Variants in IGF1R observed in about 807,000 individuals in gnomAD.
IGF1R encodes insulin like growth factor 1 receptor, also known as insulin-like growth factor 1 receptor.
A neutral mutation model predicts 144.6 loss-of-function variants in IGF1R; 44 were observed. The ratio of observed to expected loss-of-function variants is 0.30; its 90% CI spans 0.24 to 0.39. The LOEUF (loss-of-function observed/expected upper bound fraction) is 0.39. Among genes scored for constraint, IGF1R ranks in the 10% least tolerant of loss-of-function variants. The pLI, the probability that IGF1R is intolerant of heterozygous loss-of-function variation, is 1.00. For missense variants in IGF1R, 1,355 were observed against 1,833.7 expected (o/e 0.74, Z 4.77); for synonymous variants, 795 against 722.8 (o/e 1.10, Z -1.60).
chr15:98,950,496 C>G (rs1234448784), intron 20 of IGF1R, among the ~76,000 whole-genome samples: 1 of 152,194 alleles, frequency 6.6e-6, no homozygotes, highest in Non-Finnish European at 1.5e-5. Context: ...GACTGAGGTC[C>G]CCATATTCTT....
chr15:98,686,868 G>A (rs2053342642), intron 1 of IGF1R, among the ~76,000 whole-genome samples: 1 of 152,050 alleles, frequency 6.6e-6, no homozygotes, highest in Non-Finnish European at 1.5e-5. Context: ...TGCGGTCTTG[G>A]TACATTTTCT....
intron 2 of IGF1R, among the ~76,000 whole-genome samples, chr15:98,740,867 G>T (rs1309249150): frequency 6.6e-6 from 1 of 152,110 alleles, no homozygotes; most frequent in East Asian, 1.9e-4. Context: ...TTATGTATCT[G>T]GACTGGCTTT....
At chr15:98,682,225 T>C (rs1249816258) in intron 1 of IGF1R, among the ~76,000 whole-genome samples, 1 of 152,116 alleles carries the variant, frequency 6.6e-6, no homozygotes, top group Non-Finnish European at 1.5e-5. Context: ...GACTCTTTGG[T>C]CTCCTATGGT....
intron 2 of IGF1R, among the ~76,000 whole-genome samples, chr15:98,789,306 A>G (rs1024376622): frequency 1.3e-5 from 2 of 152,164 alleles, no homozygotes; most frequent in African/African-American, 2.4e-5. Flanking sequence ...GCTTTTTCCC[A>G]TTGGAATGAC....
At chr15:98,789,934 T>A (rs2056090661) in intron 2 of IGF1R, among the ~76,000 whole-genome samples, 1 of 152,220 alleles carries the variant, frequency 6.6e-6, no homozygotes, top group Non-Finnish European at 1.5e-5. Context: ...TTGCTTCAGA[T>A]GTACTCTGTC....
chr15:98,960,762 A>C lies in IGF1R; in HGVS notation c.*3320A>C, dbSNP rs1405579745. On this transcript the variant is annotated 3_prime_UTR_variant, in exon 21 of 21. Coordinates refer to ENST00000650285, the MANE Select transcript of IGF1R (RefSeq NM_000875.5). ...TGACCTCACAGCCAGTCCCTGATAG[A>C]ACACACGCAGGAGCAGAGTCCCCTC... 4.3e-6 allele frequency: 1 copy of C among 233,520 alleles called. No homozygotes were observed. Among genetic ancestry groups the C allele is most frequent in the African/African-American group, 2.2e-5 (1 of 45,318 alleles). The allele number at this position is 233,520 out of a possible 1,614,324, so 14.5% of individuals were successfully genotyped here.
At chr15:98,934,535 T>G (rs1475609035) in intron 15 of IGF1R, among the ~76,000 whole-genome samples, 3 of 152,242 alleles carry the variant, frequency 2.0e-5, no homozygotes, top group Non-Finnish European at 2.9e-5. Flanking sequence ...CCAACTGCTT[T>G]CTTTCCTATA....
At chr15:98,889,997 G>A (rs146176663) in intron 2 of IGF1R, among the ~76,000 whole-genome samples, 1 of 152,276 alleles carries the variant, frequency 6.6e-6, no homozygotes, top group Non-Finnish European at 1.5e-5. Flanking sequence ...GTGTGATCAC[G>A]ACAGCATTGT....
At chr15:98,821,194 G>A (rs543343153) in intron 2 of IGF1R, among the ~76,000 whole-genome samples, 9 of 152,200 alleles carry the variant, frequency 5.9e-5, no homozygotes, top group Admixed American at 2.6e-4. Flanking sequence ...GGTGTGAGAC[G>A]CGCTACATTG....
intron 20 of IGF1R, 81 bp downstream of exon 20, chr15:98,948,789 G>A (rs2016655741): frequency 3.3e-6 from 5 of 1,505,152 alleles, no homozygotes; most frequent in African/African-American, 1.4e-5. Context: ...GAGATTAGGA[G>A]ATTAAAGCCA....
intron 13 of IGF1R, among the ~76,000 whole-genome samples, chr15:98,929,194 C>T (rs892925923): frequency 1.3e-5 from 2 of 151,942 alleles, no homozygotes; most frequent in Non-Finnish European, 2.9e-5. Context: ...TGGACCAAAC[C>T]CTGGAACATT....
At chr15:98,754,590 C>T (rs895137832) in intron 2 of IGF1R, among the ~76,000 whole-genome samples, 1 of 152,194 alleles carries the variant, frequency 6.6e-6, no homozygotes, top group Non-Finnish European at 1.5e-5. Flanking sequence ...ACCTTTGCTG[C>T]GTTCCGAAGC....
chr15:98,680,415 T>C (rs1215459965), intron 1 of IGF1R, among the ~76,000 whole-genome samples: 2 of 151,934 alleles, frequency 1.3e-5, no homozygotes, highest in Non-Finnish European at 2.9e-5. Context: ...TACAGGCGCC[T>C]GCCACCACGC....
At chr15:98,688,052 A>G (rs895649537) in intron 1 of IGF1R, among the ~76,000 whole-genome samples, 1 of 152,086 alleles carries the variant, frequency 6.6e-6, no homozygotes, top group South Asian at 2.1e-4. Context: ...ACAGAGGCTG[A>G]TGGGCGGGGA....
rs149217017 is a variant in IGF1R at position 98,923,948 on chromosome 15, C to T, written c.2558C>T (p.Pro853Leu). The T allele has an allele frequency of 1.4e-4, 225 of 1,613,546 alleles. No homozygotes were observed. The African/African-American group carries it at 2.0e-3, about 14-fold the overall frequency. The change falls in exon 12 of 21, where the codon CCG becomes CTG. Residue 853 changes from proline (P) to leucine (L), a missense_variant. By Grantham distance (98) the Pro-to-Leu change is moderately conservative. Coordinates refer to ENST00000650285, the MANE Select transcript of IGF1R (RefSeq NM_000875.5). Reference sequence around the variant, plus strand: ...GAAAACTCCATCTTTTTAAAGTGGCCGGAACCTGAGAATCCCAATGGATTG... The same window carrying T: ...GAAAACTCCATCTTTTTAAAGTGGCTGGAACCTGAGAATCCCAATGGATTG... ...RPENSIFLKW[P>L]EPENPNGLIL...
At chr15:98,940,964 C>T (rs28504112) in intron 18 of IGF1R, among the ~76,000 whole-genome samples, 8,066 of 152,276 alleles carry the variant, frequency 0.053, 339 homozygotes, top group African/African-American at 0.12. Context: ...GAGCCGCCCG[C>T]GTCCCTGGCT....
chr15:98,707,992 A>G lies in IGF1R; in HGVS notation c.525A>G (p.Pro175=), dbSNP rs770352359. ...SNNYIVGNKP[P]KECGDLCPGT... ...ACTACATTGTGGGGAATAAGCCCCCAAAGGAATGTGGGGACCTGTGTCCAG... is the reference window on the plus strand; with the variant it reads ...ACTACATTGTGGGGAATAAGCCCCCGAAGGAATGTGGGGACCTGTGTCCAG... The change falls in exon 2 of 21, where the codon CCA becomes CCG. Residue 175 remains proline (P), a synonymous_variant. Coordinates refer to ENST00000650285, the MANE Select transcript of IGF1R (RefSeq NM_000875.5). The surrounding 1 kb of genome is among the most constrained non-coding windows in gnomAD (Gnocchi z 6.7). 2 of 1,614,172 alleles carry G rather than the reference A, an allele frequency of 1.2e-6. No individual in the cohort carries two copies. The highest frequency in any genetic ancestry group is 1.1e-5 in the South Asian group (1 of 91,084).
chr15:98,924,810 G>A, intron 13 of IGF1R, 126 bp downstream of exon 13: 1 of 905,582 alleles, frequency 1.1e-6, no homozygotes, highest in Non-Finnish European at 1.8e-6. Context: ...CTTCCAGAAG[G>A]GTCATGCTAA....
At chr15:98,779,712 T>A (rs2141389884) in intron 2 of IGF1R, among the ~76,000 whole-genome samples, 1 of 152,320 alleles carries the variant, frequency 6.6e-6, no homozygotes, top group Middle Eastern at 3.4e-3. Flanking sequence ...AGCCTCTCCC[T>A]GGAGGAGGAC....
Sources: allele counts gnomAD v4.1 joint callset (sites outside exome capture counted in the v4.1 genomes callset), GRCh38; gene constraint gnomAD v4.1.1; non-coding constraint Gnocchi (gnomAD v3.1); transcripts MANE v1.5; gene names NCBI Gene and HGNC (gene_info 2026-07-23, HGNC 2026-07-21).